SIL1: variants seen among roughly 807,000 people sequenced by gnomAD.
The protein encoded by SIL1 is nucleotide exchange factor SIL1.
Under a neutral mutation model 49.1 loss-of-function variants are expected in SIL1, and 40 were observed. That is an observed-to-expected ratio of 0.81 (90% confidence interval 0.63 to 1.06). The LOEUF (loss-of-function observed/expected upper bound fraction) is 1.06. Ranked by LOEUF, SIL1 falls within the 50% of genes least tolerant of loss-of-function variation. SIL1 has a pLI of 0.00. For missense variants in SIL1, 500 were observed against 572.6 expected, an observed-to-expected ratio of 0.87 and a Z score of 1.29; for synonymous variants, 253 against 250.8, an observed-to-expected ratio of 1.01 and a Z score of -0.08.
intron 7 of SIL1, among the ~76,000 whole-genome samples, chr5:138,982,462 C>T (rs1369019013): frequency 6.6e-6 from 1 of 152,222 alleles, no homozygotes; most frequent in Admixed American, 6.5e-5. Flanking sequence ...CAGAGCGATG[C>T]CCTATCGATT....
chr5:139,089,470 G>A (rs1445416869), intron 3 of SIL1, among the ~76,000 whole-genome samples: 1 of 152,074 alleles, frequency 6.6e-6, no homozygotes, highest in African/African-American at 2.4e-5. Flanking sequence ...CTCTCCTGAA[G>A]CTTCCACCTG....
chr5:138,998,321 C>A (rs1207727388), intron 7 of SIL1, among the ~76,000 whole-genome samples: 1 of 152,086 alleles, frequency 6.6e-6, no homozygotes, highest in Non-Finnish European at 1.5e-5. Context: ...GCGCGCACCA[C>A]CACACTTGGC....
intron 3 of SIL1, among the ~76,000 whole-genome samples, chr5:139,091,404 T>A (rs1025970624): frequency 6.6e-6 from 1 of 151,984 alleles, no homozygotes; most frequent in Non-Finnish European, 1.5e-5. Context: ...AGACTACAGA[T>A]ATAAACAGGC....
chr5:139,013,524 C>G (rs1360297809), intron 7 of SIL1: 2 of 152,152 alleles, frequency 1.3e-5, no homozygotes, highest in East Asian at 3.9e-4. Context: ...TTTTGTATCT[C>G]TTAGGATTTG....
chr5:139,091,754 A>C (rs1770347224), intron 3 of SIL1, among the ~76,000 whole-genome samples: 1 of 152,178 alleles, frequency 6.6e-6, no homozygotes, highest in South Asian at 2.1e-4. Flanking sequence ...AGGCTGGCCA[A>C]CACCCTGGTT....
At position 138,990,477 on chromosome 5, in the gene SIL1, C is replaced by T. The variant is rs997092812; in HGVS notation, c.767+30694G>A. 2.0e-5 allele frequency among the ~76,000 whole-genome samples: 3 copies of T among 152,228 alleles called. No homozygotes were observed. The South Asian group carries it at 6.2e-4, about 32-fold the overall frequency. ...AGCTGGCTTTTTATTTATTTTGAGA[C>T]AGGGTTTCATTCTGCTGCCCAGGCT... On this transcript the variant is annotated intron_variant, in intron 7 of 9. Coordinates refer to ENST00000394817, the MANE Select transcript of SIL1 (RefSeq NM_022464.5).
At chr5:139,138,642 T>A (rs1751023505) in intron 1 of SIL1, among the ~76,000 whole-genome samples, 1 of 152,222 alleles carries the variant, frequency 6.6e-6, no homozygotes, top group Non-Finnish European at 1.5e-5. Context: ...CCTTCATCTA[T>A]AAGAGGACTT....
intron 3 of SIL1, among the ~76,000 whole-genome samples, chr5:139,073,723 C>T (rs1769883801): frequency 6.6e-6 from 1 of 151,992 alleles, no homozygotes; most frequent in Non-Finnish European, 1.5e-5. Context: ...AGGTGGATCA[C>T]CTGAGGTCAG....
At chr5:138,986,739 C>T (rs896638968) in intron 7 of SIL1, among the ~76,000 whole-genome samples, 6 of 152,142 alleles carry the variant, frequency 3.9e-5, no homozygotes, top group Admixed American at 2.6e-4. Context: ...ACTAGTTGAA[C>T]TGAAATTAAG....
At chr5:139,069,960 G>T (rs1408188507) in intron 3 of SIL1, among the ~76,000 whole-genome samples, 1 of 152,044 alleles carries the variant, frequency 6.6e-6, no homozygotes, top group Admixed American at 6.5e-5. Context: ...TTACTGTTTC[G>T]ATGGGCTCTT....
chr5:138,957,004 CCACCCACGTAAGCAACTATGAGA>C (rs1470100031), intron 7 of SIL1, among the ~76,000 whole-genome samples: 1 of 152,020 alleles, frequency 6.6e-6, no homozygotes, highest in Non-Finnish European at 1.5e-5. Flanking sequence ...CAACTGGAAG[CCACCCACGTAAGCAACTATGAGA>C]CACCCACTCC....
At chr5:139,175,705 G>A (rs973855899) in intron 1 of SIL1, among the ~76,000 whole-genome samples, 3 of 152,338 alleles carry the variant, frequency 2.0e-5, no homozygotes, top group Non-Finnish European at 2.9e-5. Flanking sequence ...GCTCACGCCT[G>A]TAATCCCAGC....
chr5:138,979,981 A>G (rs1767480813), intron 7 of SIL1, among the ~76,000 whole-genome samples: 3 of 152,198 alleles, frequency 2.0e-5, no homozygotes, highest in Admixed American at 2.0e-4. Flanking sequence ...TGGCTCAGGA[A>G]TGGGGACAAC....
chr5:139,030,938 C>A (rs1191131519), intron 5 of SIL1, among the ~76,000 whole-genome samples: 1 of 152,102 alleles, frequency 6.6e-6, no homozygotes, highest in Non-Finnish European at 1.5e-5. Context: ...GATCATGGAA[C>A]AATCATAATT....
intron 3 of SIL1, among the ~76,000 whole-genome samples, chr5:139,088,990 C>T (rs1770285620): frequency 6.6e-6 from 1 of 152,168 alleles, no homozygotes; most frequent in Non-Finnish European, 1.5e-5. Flanking sequence ...TCAGCATCGG[C>T]TTCAGGAGAA....
intron 7 of SIL1, among the ~76,000 whole-genome samples, chr5:138,976,034 C>T (rs779193679): frequency 6.6e-6 from 1 of 152,224 alleles, no homozygotes; most frequent in South Asian, 2.1e-4. Context: ...AGAAGTGTGA[C>T]GTATCCATAG....
intron 3 of SIL1, among the ~76,000 whole-genome samples, chr5:139,096,664 T>C (rs1169429361): frequency 6.6e-6 from 1 of 151,800 alleles, no homozygotes; most frequent in Admixed American, 6.6e-5. Flanking sequence ...GCACCTGTTC[T>C]AGGCCCTAGC....
intron 3 of SIL1, among the ~76,000 whole-genome samples, chr5:139,116,369 A>T (rs1770989675): frequency 6.6e-6 from 1 of 152,160 alleles, no homozygotes; most frequent in Non-Finnish European, 1.5e-5. Context: ...CTGCGTGCTC[A>T]CATTGAGTGG....
chr5:139,175,978 A>G (rs1004574448), intron 1 of SIL1, among the ~76,000 whole-genome samples: 2 of 152,138 alleles, frequency 1.3e-5, no homozygotes, highest in Non-Finnish European at 2.9e-5. Context: ...AAAAAAAAGA[A>G]AACTACAGAC....
Sources: allele counts gnomAD v4.1 joint callset (sites outside exome capture counted in the v4.1 genomes callset), GRCh38; gene constraint gnomAD v4.1.1; transcripts MANE v1.5; gene names NCBI Gene and HGNC (gene_info 2026-07-23, HGNC 2026-07-21).